Variants in CLSTN1 observed in about 807,000 individuals in gnomAD.
CLSTN1 encodes calsyntenin-1.
Under a neutral mutation model 108.3 loss-of-function variants are expected in CLSTN1, and 28 were observed. The observed-to-expected ratio is 0.26, with a 90% confidence interval of 0.19 to 0.35. The LOEUF is 0.35. Ranked by LOEUF, CLSTN1 falls within the 10% of genes least tolerant of loss-of-function variation. The pLI is 1.00. For synonymous variants in CLSTN1, 524 were observed against 534.9 expected, an observed-to-expected ratio of 0.98 and a Z score of 0.28; for missense variants, 1,157 against 1,302.6, an observed-to-expected ratio of 0.89 and a Z score of 1.72.
At chr1:9,796,671 G>T (rs774824783) in intron 1 of CLSTN1, among the ~76,000 whole-genome samples, 1 of 151,920 alleles carries the variant, frequency 6.6e-6, no homozygotes, top group Non-Finnish European at 1.5e-5. Context: ...GCGACAGAGC[G>T]AGACTCCGCC....
chr1:9,733,736 C>T (rs1053611778), intron 15 of CLSTN1, among the ~76,000 whole-genome samples, 190 bp from the exon 16 acceptor site: 3 of 152,174 alleles, frequency 2.0e-5, no homozygotes, highest in African/African-American at 7.2e-5. Context: ...CTGTGGGGGA[C>T]GTGTCATCCC....
At chr1:9,816,735 C>A (rs1654988639) in intron 1 of CLSTN1, among the ~76,000 whole-genome samples, 1 of 152,062 alleles carries the variant, frequency 6.6e-6, no homozygotes, top group Admixed American at 6.6e-5. Flanking sequence ...CAACCTCCGC[C>A]CCCTGGGTTC....
At chr1:9,759,419 G>A (rs1211592366) in intron 2 of CLSTN1, among the ~76,000 whole-genome samples, 2 of 152,126 alleles carry the variant, frequency 1.3e-5, no homozygotes, top group Non-Finnish European at 2.9e-5. Flanking sequence ...GGGATTACAG[G>A]TGCCTGCCAC....
At chr1:9,772,921 A>G (rs1570475020) in intron 2 of CLSTN1, among the ~76,000 whole-genome samples, 1 of 152,268 alleles carries the variant, frequency 6.6e-6, no homozygotes, top group Non-Finnish European at 1.5e-5. Context: ...GCAGGTGAGA[A>G]AGGCAGAATC....
Position 9,793,530 on chromosome 1 carries a change from C to A in CLSTN1, c.92-20136G>T, listed in dbSNP as rs545489160. 3.7e-4 allele frequency among the ~76,000 whole-genome samples: 56 copies of A among 151,580 alleles called. 5 individuals carry two copies. The South Asian group carries it at 0.011, about 29-fold the overall frequency. ...TGCTGTGGAACAATTTGATGCACTC[C>A]CCAACAGAGAACAATGGCCTCACAG... On this transcript the variant is annotated intron_variant, in intron 1 of 18. Transcript: ENST00000377298.
At chr1:9,733,871 A>G in intron 15 of CLSTN1, 101 bp downstream of exon 15, 1 of 1,267,218 alleles carries the variant, frequency 7.9e-7, no homozygotes, top group Non-Finnish European at 1.1e-6. Context: ...TCCCTCTAAG[A>G]TAACTCAACA....
chr1:9,736,193 C>T, intron 11 of CLSTN1, 151 bp from the exon 12 acceptor site: 1 of 862,882 alleles, frequency 1.2e-6, no homozygotes, highest in Non-Finnish European at 1.8e-6. Flanking sequence ...TTGCAATCTA[C>T]ATGGAAGCGC....
Position 9,749,482 on chromosome 1 carries a change from T to C in CLSTN1, c.964A>G (p.Lys322Glu). Residue 322 changes from lysine to glutamate, a missense_variant, in exon 7 of 19, where the codon AAG becomes GAG. Physicochemically the swap from Lys to Glu is moderately conservative, Grantham distance 56. Transcript: ENST00000377298. ...TTACCACAGAGCCGGTGGAGGGACT[T>C]CTCTGAGTAGGTGTCTCGGTCGCAG... ...KGCDRDTYSE[K>E]SLHRLCGAAA... 1 of 1,613,192 alleles carries C rather than the reference T, an allele frequency of 6.2e-7. No individual in the cohort carries two copies. Among genetic ancestry groups the C allele is most frequent in the Non-Finnish European group, 8.5e-7 (1 of 1,179,792 alleles).
chr1:9,785,757 C>A (rs1005315049), intron 1 of CLSTN1, among the ~76,000 whole-genome samples: 1 of 152,080 alleles, frequency 6.6e-6, no homozygotes, highest in Non-Finnish European at 1.5e-5. Context: ...TTTAAAAGAG[C>A]CACTTTAATA....
rs751354066 is a variant in CLSTN1 at position 9,730,694 on chromosome 1, G to A, written c.2760C>T (p.Asp920=). ...CCTCCTCCTCCTCACTGCTGTGCTG[G>A]TCCTCATAGGTCTGGCAAGGAGAAG... ...ITVNPMETYE[D]QHSSEEEEEE... Residue 920 remains aspartate, a synonymous_variant, in exon 19 of 19, where the codon GAC becomes GAT. Coordinates refer to ENST00000377298, the MANE Select transcript of CLSTN1 (RefSeq NM_001009566.3). This position sits in a 1 kb window ranked among gnomAD's most constrained non-coding sequence, Gnocchi z 5.6. The A allele has an allele frequency of 6.2e-7, 1 of 1,603,702 alleles. No homozygotes were observed. Among genetic ancestry groups the A allele is most frequent in the Non-Finnish European group, 8.5e-7 (1 of 1,177,528 alleles).
chr1:9,824,507 C>G (rs1451986688), upstream of CLSTN1: 3 of 152,342 alleles, frequency 2.0e-5, no homozygotes, highest in Non-Finnish European at 4.4e-5. This position sits in a 1 kb window ranked among gnomAD's most constrained non-coding sequence, Gnocchi z 5.0. Flanking sequence ...AGAGGGGTCA[C>G]GAAAGGGGGT....
At chr1:9,749,417 C>T (rs756975119) in intron 7 of CLSTN1, 44 bp downstream of exon 7, 3 of 1,559,890 alleles carry the variant, frequency 1.9e-6, no homozygotes, top group Non-Finnish European at 1.7e-6. Context: ...TCCCTCCCAC[C>T]TTCACCAAAG....
intron 1 of CLSTN1, among the ~76,000 whole-genome samples, chr1:9,786,507 G>A (rs1370832218): frequency 6.6e-6 from 1 of 152,046 alleles, no homozygotes; most frequent in Non-Finnish European, 1.5e-5. Context: ...GCCAGGTGTG[G>A]TGGTGGGCAC....
intron 1 of CLSTN1, among the ~76,000 whole-genome samples, chr1:9,783,351 G>A (rs905505262): frequency 6.6e-6 from 1 of 151,874 alleles, no homozygotes; most frequent in Non-Finnish European, 1.5e-5. Context: ...GGCCCAGGTA[G>A]GAGGATTGCT....
At chr1:9,810,860 T>G (rs1557726032) in intron 1 of CLSTN1, among the ~76,000 whole-genome samples, 1 of 152,186 alleles carries the variant, frequency 6.6e-6, no homozygotes, top group South Asian at 2.1e-4. Context: ...GAATGCCTCA[T>G]TCCACATACC....
At chr1:9,811,923 G>A (rs1329059327) in intron 1 of CLSTN1, among the ~76,000 whole-genome samples, 1 of 151,980 alleles carries the variant, frequency 6.6e-6, no homozygotes, top group Non-Finnish European at 1.5e-5. Flanking sequence ...GGATCATGAG[G>A]TCAGGAGACT....
At chr1:9,770,522 AC>A (rs538056216) in intron 2 of CLSTN1, among the ~76,000 whole-genome samples, 13 of 151,958 alleles carry the variant, frequency 8.6e-5, no homozygotes, top group East Asian at 7.7e-4. Context: ...CTGCCTCTGC[AC>A]CCCCCGACCA....
chr1:9,752,132 T>C (rs560610785), intron 4 of CLSTN1, among the ~76,000 whole-genome samples: 7 of 152,154 alleles, frequency 4.6e-5, no homozygotes, highest in Non-Finnish European at 8.8e-5. Context: ...AAGCATGAAA[T>C]GGTTTGATTC....
chr1:9,737,502 A>G lies in CLSTN1; in HGVS notation c.1572T>C (p.Ser524=). ...GTAGGGAAAAAATCCAGCAACCTGC[A>G]GAGGCCACAGTCACAGGCTCAGTTT... The part of the protein sequence containing the change: ...DNETEPVTVA[S]AGGDLHMTQF... The change falls in exon 11 of 19, where the codon TCT becomes TCC. Residue 524 remains serine, a synonymous_variant. Transcript: ENST00000377298. 6.2e-7 allele frequency: 1 copy of G among 1,613,884 alleles called. No homozygotes were observed. The highest frequency in any genetic ancestry group is 8.5e-7 in the Non-Finnish European group (1 of 1,179,742).
Sources: gnomAD v4.1 joint callset for allele counts (sites outside exome capture counted in the v4.1 genomes callset) on GRCh38, gnomAD v4.1.1 for gene constraint, Gnocchi (gnomAD v3.1) non-coding constraint, MANE v1.5 for transcripts, NCBI Gene and HGNC (gene_info 2026-07-23, HGNC 2026-07-21) for gene names.